ADAMTS19: variants seen among roughly 807,000 people sequenced by gnomAD.
The protein encoded by ADAMTS19 is A disintegrin and metalloproteinase with thrombospondin motifs 19.
A neutral mutation model predicts 153.3 loss-of-function variants in ADAMTS19; 93 were observed. The observed-to-expected ratio is 0.61, with a 90% CI of 0.51 to 0.72. The LOEUF (loss-of-function observed/expected upper bound fraction) is 0.72. Among genes scored for constraint, ADAMTS19 ranks in the 30% least tolerant of loss-of-function variants. ADAMTS19 has a pLI of 0.00. For missense variants in ADAMTS19, 1,482 were observed against 1,552.1 expected (o/e 0.95, Z 0.76); for synonymous variants, 600 against 556.6 (o/e 1.08, Z -1.10).
chr5:129,687,222 G>T (rs911967114), intron 18 of ADAMTS19, among the ~76,000 whole-genome samples: 3 of 152,190 alleles, frequency 2.0e-5, no homozygotes, highest in Non-Finnish European at 4.4e-5. Context: ...CCATCTTGTG[G>T]TTGGGGGGCA....
chr5:129,692,585 C>T (rs1755383220), intron 18 of ADAMTS19, among the ~76,000 whole-genome samples: 1 of 152,182 alleles, frequency 6.6e-6, no homozygotes, highest in Non-Finnish European at 1.5e-5. Flanking sequence ...TCAAGAGGAC[C>T]TCAGAGGGTG....
At position 129,679,797 on chromosome 5, in the gene ADAMTS19, G is replaced by T; in HGVS notation, c.2540G>T (p.Ser847Ile). ...GATGCTGGCAAACAGTCTATTAATA[G>T]TGACTGGAAGATTGAACACTCTGGA... Reference protein sequence around the residue: ...LRDAGKQSINSDWKIEHSGAF... With the variant: ...LRDAGKQSINIDWKIEHSGAF... Residue 847 changes from serine to isoleucine, a missense_variant, in exon 17 of 23, where the codon AGT becomes ATT. By Grantham distance (142) the Ser-to-Ile change is moderately radical (BLOSUM62 -2). Coordinates refer to ENST00000274487, the MANE Select transcript of ADAMTS19 (RefSeq NM_133638.6). The T allele has an allele frequency of 6.2e-7, 1 of 1,613,730 alleles. No individual in the cohort carries two copies. Among genetic ancestry groups the T allele is most frequent in the Non-Finnish European group, 8.5e-7 (1 of 1,179,778 alleles).
intron 9 of ADAMTS19, 78 bp downstream of exon 9, chr5:129,620,836 T>C (rs1751747887): frequency 6.8e-7 from 1 of 1,478,440 alleles, no homozygotes; most frequent in Non-Finnish European, 9.1e-7. Flanking sequence ...GAAGCCAGTG[T>C]GGCAAAGTGG....
At chr5:129,702,204 C>T (rs1159822374) in intron 20 of ADAMTS19, among the ~76,000 whole-genome samples, 1 of 152,100 alleles carries the variant, frequency 6.6e-6, no homozygotes, top group Admixed American at 6.5e-5. Context: ...GTGTTCCATG[C>T]CAAACCATAG....
In ADAMTS19 at chr5:129,684,135, G is replaced by A; in HGVS notation, c.2680G>A (p.Asp894Asn). ...PLHLLVLLFQ[D>N]QNYGLHYEYT... ...TATACTATAGGTGCTCCTGTTTCAG[G>A]ATCAGAATTATGGTCTTCACTATGA... Residue 894 changes from aspartate (D) to asparagine (N), a missense_variant, in exon 18 of 23, where the codon GAT (aspartate) becomes AAT (asparagine). By Grantham distance (23) the Asp-to-Asn change is conservative. Around this residue, in one of 2 missense-constraint regions of ADAMTS19, gnomAD observed 616 missense variants for 724.4 expected, o/e 0.85. Transcript: ENST00000274487. 1 of 1,613,614 alleles carries A rather than the reference G, an allele frequency of 6.2e-7. No individual in the cohort carries two copies. The highest frequency in any genetic ancestry group is 8.5e-7 in the Non-Finnish European group (1 of 1,179,814).
At position 129,735,065 on chromosome 5, in the gene ADAMTS19, G is replaced by A; in HGVS notation, c.3446G>A (p.Cys1149Tyr). The A allele has an allele frequency of 6.2e-7, 1 of 1,604,644 alleles. No individual in the cohort carries two copies. ...TACAGGCCATGCCATCTTCAACCCT[G>A]CAATGAGAAAATTAATGTAAATACC... The part of the protein sequence containing the change: ...AAYRPCHLQP[C>Y]NEKINVNTIT... The change falls in exon 22 of 23, where the codon TGC (cysteine) becomes TAC (tyrosine). Residue 1149 changes from cysteine (C) to tyrosine (Y), a missense_variant. This residue lies in a region of ADAMTS19 where 616 missense variants were observed against 724.4 expected (regional missense o/e 0.85). Transcript: ENST00000274487.
chr5:129,494,739 A>G (rs991710705), intron 2 of ADAMTS19, among the ~76,000 whole-genome samples: 3 of 152,196 alleles, frequency 2.0e-5, no homozygotes, highest in African/African-American at 7.2e-5. Flanking sequence ...ATCGATGGCC[A>G]TATTGACATG....
At chr5:129,719,800 G>A (rs1057011683) in intron 21 of ADAMTS19, among the ~76,000 whole-genome samples, 1 of 152,140 alleles carries the variant, frequency 6.6e-6, no homozygotes, top group Non-Finnish European at 1.5e-5. Context: ...CAGGACTTTG[G>A]GAGGCCGAGG....
At chr5:129,685,055 G>A (rs1328589989) in intron 18 of ADAMTS19, among the ~76,000 whole-genome samples, 1 of 151,936 alleles carries the variant, frequency 6.6e-6, no homozygotes, top group Admixed American at 6.6e-5. Context: ...AGTTTTATTT[G>A]AAATGTCTGT....
intron 7 of ADAMTS19, among the ~76,000 whole-genome samples, chr5:129,595,056 C>T (rs1034298135): frequency 1.3e-5 from 2 of 152,034 alleles, no homozygotes; most frequent in Admixed American, 6.6e-5. Flanking sequence ...ATGTGTATTT[C>T]GTCTTTTTGC....
At chr5:129,539,917 C>T (rs1752599477) in intron 6 of ADAMTS19, among the ~76,000 whole-genome samples, 1 of 151,986 alleles carries the variant, frequency 6.6e-6, no homozygotes, top group Non-Finnish European at 1.5e-5. Context: ...AAAAATCACC[C>T]CACTAAAGAG....
chr5:129,648,873 A>G lies in ADAMTS19; in HGVS notation c.2079A>G (p.Ala693=). 1.2e-6 allele frequency: 2 copies of G among 1,613,918 alleles called. No individual in the cohort carries two copies. Among genetic ancestry groups the G allele is most frequent in the Non-Finnish European group, 1.7e-6 (2 of 1,179,878 alleles). The change falls in exon 13 of 23, where the codon GCA becomes GCG. Residue 693 remains alanine (A), a synonymous_variant. Coordinates refer to ENST00000274487, the MANE Select transcript of ADAMTS19 (RefSeq NM_133638.6). ...TATGTGAGAATCCACCTTGTCCTGC[A>G]GGTTTGCCTGGATTCAGAGACTGGC... The part of the protein sequence containing the change: ...YRICENPPCP[A]GLPGFRDWQC...
chr5:129,556,923 T>A lies in ADAMTS19; in HGVS notation c.1372+5016T>A, dbSNP rs370399771. ...GTGTCAAACTTCTAACCTAGAAAAC[T>A]GCAAGAAAATAAATTTGGATACCTT... On this transcript the variant is annotated intron_variant, in intron 7 of 22. Coordinates refer to ENST00000274487, the MANE Select transcript of ADAMTS19 (RefSeq NM_133638.6). Among the ~76,000 whole-genome samples the A allele has an allele frequency of 7.2e-5, 11 of 152,264 alleles. 1 individual carries two copies. Among genetic ancestry groups the A allele is most frequent in the African/African-American group, 2.6e-4 (11 of 41,584 alleles).
rs572127822 is a variant in ADAMTS19 at position 129,614,891 on chromosome 5, AACAG to A, written c.1479-5723_1479-5720del. Reference sequence around the variant, plus strand: ...ATCACAAGCATTCTTATACACCAATAACAGACAAACAGAGAGCCAAATCATGAGT... The same window carrying A: ...ATCACAAGCATTCTTATACACCAATAACAAACAGAGAGCCAAATCATGAGT... On this transcript the variant is annotated intron_variant, in intron 8 of 22. Coordinates refer to ENST00000274487, the MANE Select transcript of ADAMTS19 (RefSeq NM_133638.6). 5.1e-3 allele frequency among the ~76,000 whole-genome samples: 776 copies of A among 152,226 alleles called. 5 individuals carry two copies. The highest frequency in any genetic ancestry group is 0.017 in the African/African-American group (690 of 41,534).
At chr5:129,670,615 G>A (rs1199177435) in intron 16 of ADAMTS19, among the ~76,000 whole-genome samples, 1 of 152,090 alleles carries the variant, frequency 6.6e-6, no homozygotes, top group Non-Finnish European at 1.5e-5. Flanking sequence ...CTTATTTTAA[G>A]TAATTGTCGT....
chr5:129,505,552 T>C (rs1200690387), intron 2 of ADAMTS19, among the ~76,000 whole-genome samples: 1 of 152,152 alleles, frequency 6.6e-6, no homozygotes, highest in Non-Finnish European at 1.5e-5. Flanking sequence ...TAGAAGTTGG[T>C]TTTAGTGTCA....
chr5:129,652,060 T>A (rs779389549), intron 13 of ADAMTS19, among the ~76,000 whole-genome samples: 1 of 152,138 alleles, frequency 6.6e-6, no homozygotes, highest in Admixed American at 6.6e-5. Context: ...TGGGCATGAA[T>A]TTAAAACACT....
At chr5:129,530,965 A>G (rs1752179763) in intron 6 of ADAMTS19, among the ~76,000 whole-genome samples, 2 of 152,192 alleles carry the variant, frequency 1.3e-5, no homozygotes, top group South Asian at 4.1e-4. Flanking sequence ...AGGCCACATC[A>G]TGTAAAATCA....
In ADAMTS19 at chr5:129,518,898, T is replaced by C. The variant is rs73246865; in HGVS notation, c.914-7386T>C. 3.0e-3 allele frequency among the ~76,000 whole-genome samples: 451 copies of C among 152,268 alleles called. 4 individuals are homozygous for C. Among genetic ancestry groups the C allele is most frequent in the African/African-American group, 0.01 (427 of 41,570 alleles). ...TTTTTATTCTTTTTTGTTTTGTCTC[T>C]TCTGACTGTGTGTTTTCAAATAGCC... is the stretch of plus-strand genomic sequence containing the variant. On this transcript the variant is annotated intron_variant, in intron 3 of 22. Coordinates refer to ENST00000274487, the MANE Select transcript of ADAMTS19 (RefSeq NM_133638.6).
Sources: gnomAD v4.1 joint callset for allele counts (sites outside exome capture counted in the v4.1 genomes callset) on GRCh38, gnomAD v4.1.1 for gene constraint, gnomAD v4.1.1 regional missense constraint, MANE v1.5 for transcripts, NCBI Gene and HGNC (gene_info 2026-07-23, HGNC 2026-07-21) for gene names.